TENM2: variants seen among roughly 807,000 people sequenced by gnomAD.
TENM2 encodes teneurin-2.
Under a neutral mutation model 245.2 loss-of-function variants are expected in TENM2, and 52 were observed. That is an observed-to-expected ratio of 0.21 (90% CI 0.17 to 0.27). The LOEUF (loss-of-function observed/expected upper bound fraction) is 0.27. Ranked by LOEUF, TENM2 falls within the 10% of genes least tolerant of loss-of-function variation. The pLI is 1.00. For missense variants in TENM2, 3,046 were observed against 3,666.8 expected (o/e 0.83, Z 4.37); for synonymous variants, 1,363 against 1,438.9 (o/e 0.95, Z 1.19).
intron 15 of TENM2, among the ~76,000 whole-genome samples, chr5:168,197,643 T>C (rs1409115277): frequency 7.5e-6 from 1 of 133,550 alleles, no homozygotes; most frequent in African/African-American, 2.9e-5. Flanking sequence ...GAGGTTGCAA[T>C]AAGCCCAAAT....
chr5:168,235,827 G>A (rs1259203271), intron 25 of TENM2, among the ~76,000 whole-genome samples: 2 of 150,846 alleles, frequency 1.3e-5, no homozygotes, highest in South Asian at 2.1e-4. Context: ...AAAAGAAATT[G>A]TGATGGGTGC....
chr5:167,592,867 A>C (rs1318268178), intron 2 of TENM2, among the ~76,000 whole-genome samples: 3 of 152,136 alleles, frequency 2.0e-5, no homozygotes, highest in African/African-American at 7.2e-5. Context: ...ATCATATCCA[A>C]TGTGATTCCA....
chr5:168,215,009 C>T (rs749792038), intron 20 of TENM2, 31 bp from the exon 23 acceptor site: 1 of 1,601,336 alleles, frequency 6.2e-7, no homozygotes. Flanking sequence ...TAGCCCCCTC[C>T]TCATTTCTCT....
At chr5:167,748,676 G>A (rs1223039506) in intron 2 of TENM2, among the ~76,000 whole-genome samples, 1 of 152,168 alleles carries the variant, frequency 6.6e-6, no homozygotes, top group East Asian at 1.9e-4. Context: ...GAGGTCTCAG[G>A]AAACTTACAA....
At chr5:168,107,565 G>A (rs1462642614) in intron 9 of TENM2, among the ~76,000 whole-genome samples, 1 of 146,450 alleles carries the variant, frequency 6.8e-6, no homozygotes, top group Non-Finnish European at 1.5e-5. Context: ...TGGGGGGGGG[G>A]TCTGATGCAG....
intron 12 of TENM2, among the ~76,000 whole-genome samples, chr5:168,152,852 G>A (rs935746011): frequency 1.3e-5 from 2 of 152,096 alleles, no homozygotes; most frequent in African/African-American, 2.4e-5. Flanking sequence ...ACCCACATCC[G>A]CATTCATACA....
At chr5:167,149,234 T>C in the TENM2 span, among the ~76,000 whole-genome samples, 1 of 151,994 alleles carries the variant, frequency 6.6e-6, no homozygotes, top group African/African-American at 2.4e-5. Flanking sequence ...TCTCCCCTGA[T>C]AGATTGCAAC....
chr5:167,687,868 A>T (rs1453577497), intron 2 of TENM2, among the ~76,000 whole-genome samples: 1 of 152,226 alleles, frequency 6.6e-6, no homozygotes, highest in Non-Finnish European at 1.5e-5. Flanking sequence ...TTGAAAATAG[A>T]CTGCAGTCTT....
In TENM2 at chr5:167,737,964, G is replaced by C. The variant is rs1282153309; in HGVS notation, c.503-138022G>C. Among the ~76,000 whole-genome samples the C allele has an allele frequency of 3.3e-5, 5 of 152,200 alleles. 1 individual carries two copies. The highest frequency in any genetic ancestry group is 1.2e-4 in the African/African-American group (5 of 41,448). ...GATCCCTATCACTCTGAGGTCAAAG[G>C]GAAGGCTAACTTGGCCTCAGCTGTC... On this transcript the variant is annotated intron_variant, in intron 2 of 28. Coordinates refer to ENST00000518659, the Ensembl canonical transcript of TENM2.
chr5:167,146,224 A>C, the TENM2 span, among the ~76,000 whole-genome samples: 1 of 152,120 alleles, frequency 6.6e-6, no homozygotes, highest in East Asian at 1.9e-4. Flanking sequence ...CCACTATTAC[A>C]ATAAAAACCT....
intron 2 of TENM2, among the ~76,000 whole-genome samples, chr5:167,521,427 T>G (rs2127582051): frequency 6.6e-6 from 1 of 152,324 alleles, no homozygotes; most frequent in South Asian, 2.1e-4. Context: ...AAATAGGCTC[T>G]GGCGTAGCTA....
In TENM2 at chr5:167,606,194, A is replaced by C. The variant is rs190872854; in HGVS notation, c.502+230721A>C. ...TCTGGATGGTGATGGCAGGAGGAAA[A>C]CTGCAATCTAAGTGCACTTGTCAGC... is the stretch of plus-strand genomic sequence containing the variant. On this transcript the variant is annotated intron_variant, in intron 2 of 28. Coordinates refer to ENST00000518659, the Ensembl canonical transcript of TENM2. Among the ~76,000 whole-genome samples the C allele has an allele frequency of 4.0e-4, 61 of 152,092 alleles. 2 individuals carry two copies. In the East Asian group the frequency reaches 0.011, roughly 28 times the overall value.
intron 2 of TENM2, among the ~76,000 whole-genome samples, chr5:167,820,578 G>A (rs1356670928): frequency 6.6e-6 from 1 of 152,192 alleles, no homozygotes; most frequent in African/African-American, 2.4e-5. Flanking sequence ...TGAGAATCTG[G>A]TGTGGCCTGG....
intron 4 of TENM2, among the ~76,000 whole-genome samples, chr5:167,967,757 T>G (rs1484556037): frequency 6.6e-6 from 1 of 152,242 alleles, no homozygotes; most frequent in African/African-American, 2.4e-5. Flanking sequence ...TCGAAGACTC[T>G]GGGGTTAAGT....
At chr5:167,306,634 A>C (rs1755695822) in intron 1 of TENM2, 1 of 152,206 alleles carries the variant, frequency 6.6e-6, no homozygotes, top group African/African-American at 2.4e-5. Flanking sequence ...ATAAGAAAAC[A>C]AAACAAAACA....
intron 1 of TENM2, among the ~76,000 whole-genome samples, chr5:167,292,500 T>C (rs1051275693): frequency 6.6e-6 from 1 of 152,236 alleles, no homozygotes; most frequent in Non-Finnish European, 1.5e-5. Context: ...ATTTCAACAC[T>C]GGACAATTGC....
intron 1 of TENM2, among the ~76,000 whole-genome samples, chr5:167,330,824 C>A (rs917275456): frequency 1.3e-5 from 2 of 152,134 alleles, no homozygotes; most frequent in African/African-American, 4.8e-5. Context: ...TAGCTTATTC[C>A]TCTATCAAAA....
At chr5:167,795,834 T>C (rs1354185927) in intron 2 of TENM2, among the ~76,000 whole-genome samples, 1 of 152,214 alleles carries the variant, frequency 6.6e-6, no homozygotes, top group Non-Finnish European at 1.5e-5. Flanking sequence ...AGCCAGATTT[T>C]CAAAACGTTG....
At chr5:167,038,031 G>T in the TENM2 span, among the ~76,000 whole-genome samples, 14 of 152,354 alleles carry the variant, frequency 9.2e-5, no homozygotes, top group African/African-American at 3.1e-4. Context: ...TCCCAAAGGA[G>T]ACCTCCTGGA....
Sources: gnomAD v4.1 joint callset for allele counts (sites outside exome capture counted in the v4.1 genomes callset) on GRCh38, gnomAD v4.1.1 for gene constraint, MANE v1.5 for transcripts, NCBI Gene and HGNC (gene_info 2026-07-23, HGNC 2026-07-21) for gene names.